The following CEP70 variants were observed in gnomAD, a reference collection of about 807,000 sequenced individuals.
The protein encoded by CEP70 is centrosomal protein 70, also known as centrosomal protein of 70 kDa.
CEP70 carries 70 observed loss-of-function variants against 90.9 expected under a neutral mutation model. The observed-to-expected ratio is 0.77, with a 90% confidence interval of 0.64 to 0.94. The LOEUF (loss-of-function observed/expected upper bound fraction) is 0.94. Ranked by LOEUF, CEP70 falls within the 40% of genes least tolerant of loss-of-function variation. The pLI is 0.00. For synonymous variants in CEP70, 220 were observed against 228.3 expected, an observed-to-expected ratio of 0.96 and a Z score of 0.33; for missense variants, 648 against 669.0, an observed-to-expected ratio of 0.97 and a Z score of 0.35.
At chr3:138,573,569 G>C (rs1164636614) in intron 2 of CEP70, among the ~76,000 whole-genome samples, 1 of 152,110 alleles carries the variant, frequency 6.6e-6, no homozygotes, top group African/African-American at 2.4e-5. Flanking sequence ...AGTGTTCATT[G>C]CATCTGCTCT....
At chr3:138,543,229 C>T (rs925341456) in intron 6 of CEP70, among the ~76,000 whole-genome samples, 3 of 152,198 alleles carry the variant, frequency 2.0e-5, no homozygotes, top group Non-Finnish European at 2.9e-5. Context: ...ATCTGCAGTG[C>T]CCAGGCTGTC....
chr3:138,583,579 A>G (rs1201181675), intron 2 of CEP70, among the ~76,000 whole-genome samples: 3 of 152,180 alleles, frequency 2.0e-5, no homozygotes, highest in Non-Finnish European at 4.4e-5. Context: ...TAAAACATTA[A>G]AAACAAACTG....
intron 7 of CEP70, among the ~76,000 whole-genome samples, chr3:138,533,974 C>T (rs907544331): frequency 1.4e-4 from 22 of 152,048 alleles, no homozygotes; most frequent in East Asian, 3.9e-4. Context: ...TTAGTAGAGA[C>T]GGGGTTTCAC....
At chr3:138,575,109 G>A (rs1395447195) in intron 2 of CEP70, among the ~76,000 whole-genome samples, 2 of 152,200 alleles carry the variant, frequency 1.3e-5, no homozygotes, top group Non-Finnish European at 2.9e-5. Context: ...ACTTTGACGA[G>A]TTGACAGAAG....
intron 11 of CEP70, among the ~76,000 whole-genome samples, chr3:138,510,661 A>G (rs906661485): frequency 6.6e-6 from 1 of 152,126 alleles, no homozygotes; most frequent in Non-Finnish European, 1.5e-5. Flanking sequence ...CAGGAAACTG[A>G]TGGCATACTC....
intron 11 of CEP70, among the ~76,000 whole-genome samples, chr3:138,524,877 C>A (rs1339277077): frequency 1.3e-5 from 2 of 152,156 alleles, no homozygotes; most frequent in Non-Finnish European, 2.9e-5. Context: ...GGTTCTAGAA[C>A]TAGAAATACC....
intron 2 of CEP70, among the ~76,000 whole-genome samples, chr3:138,590,546 T>C (rs1391671594): frequency 6.6e-6 from 1 of 151,950 alleles, no homozygotes; most frequent in Non-Finnish European, 1.5e-5. Flanking sequence ...ATAGGAATTG[T>C]TCAATATATT....
At chr3:138,534,446 T>C (rs1159549550) in intron 7 of CEP70, among the ~76,000 whole-genome samples, 1 of 152,254 alleles carries the variant, frequency 6.6e-6, no homozygotes, top group Non-Finnish European at 1.5e-5. Flanking sequence ...ATTCTATTTC[T>C]AATATTTTCC....
chr3:138,573,122 A>G, intron 2 of CEP70, 190 bp from the exon 3 acceptor site: 2 of 581,572 alleles, frequency 3.4e-6, no homozygotes, highest in South Asian at 4.2e-5. Context: ...TGTAAGACTC[A>G]TTTGAATAAA....
At chr3:138,578,751 A>G (rs541317573) in intron 2 of CEP70, among the ~76,000 whole-genome samples, 3 of 152,380 alleles carry the variant, frequency 2.0e-5, no homozygotes, top group Admixed American at 6.5e-5. Flanking sequence ...AACTAATTTT[A>G]CATAAAAGTG....
intron 7 of CEP70, 101 bp from the exon 8 acceptor site, chr3:138,532,671 C>G (rs2037931290): frequency 1.9e-6 from 2 of 1,069,578 alleles, no homozygotes. Context: ...AAAGTAAGTA[C>G]AGATTATCTG....
chr3:138,583,998 T>G (rs1314135053), intron 2 of CEP70, among the ~76,000 whole-genome samples: 3 of 151,938 alleles, frequency 2.0e-5, no homozygotes, highest in African/African-American at 7.2e-5. Flanking sequence ...AAGTTGGTTT[T>G]TTGAAAAGAT....
At chr3:138,508,696 T>C (rs2035227168) in intron 11 of CEP70, 152 bp from the exon 12 acceptor site, 1 of 600,396 alleles carries the variant, frequency 1.7e-6, no homozygotes, top group South Asian at 2.0e-5. Context: ...TATGTGTATG[T>C]ATAAACACAT....
intron 17 of CEP70, chr3:138,496,215 A>C (rs976877786): frequency 1.0e-6 from 1 of 985,438 alleles, no homozygotes; most frequent in South Asian, 4.7e-5. Flanking sequence ...TACATAAAGC[A>C]TGCTTTCTTG....
At chr3:138,514,607 A>AT (rs1247815115) in intron 11 of CEP70, among the ~76,000 whole-genome samples, 3 of 152,062 alleles carry the variant, frequency 2.0e-5, no homozygotes, top group Non-Finnish European at 2.9e-5. Context: ...TGAAAAGTAA[A>AT]TTTTTTTAAG....
At chr3:138,497,352 C>T (rs1035247523) in intron 17 of CEP70, 46 of 1,234,242 alleles carry the variant, frequency 3.7e-5, no homozygotes, top group Non-Finnish European at 4.6e-5. Flanking sequence ...AAAAATCTTT[C>T]AAATGAGCTA....
chr3:138,509,960 T>G (rs2035365058), intron 11 of CEP70, among the ~76,000 whole-genome samples: 1 of 152,124 alleles, frequency 6.6e-6, no homozygotes, highest in African/African-American at 2.4e-5. Flanking sequence ...GCAATTTTGA[T>G]GTGCCAAAGA....
intron 6 of CEP70, among the ~76,000 whole-genome samples, chr3:138,559,794 C>G (rs897538061): frequency 6.6e-6 from 1 of 152,106 alleles, no homozygotes; most frequent in Non-Finnish European, 1.5e-5. Context: ...TTATAAATTG[C>G]CTTCAAAGGA....
intron 6 of CEP70, among the ~76,000 whole-genome samples, chr3:138,543,818 A>C (rs2038954154): frequency 6.6e-6 from 1 of 152,162 alleles, no homozygotes; most frequent in African/African-American, 2.4e-5. Context: ...AAAAGAAAAA[A>C]CAAAAACAAA....
Sources: gnomAD v4.1 joint callset for allele counts (sites outside exome capture counted in the v4.1 genomes callset) on GRCh38, gnomAD v4.1.1 for gene constraint, MANE v1.5 for transcripts, NCBI Gene and HGNC (gene_info 2026-07-23, HGNC 2026-07-21) for gene names.